Variants in MVD observed in about 807,000 individuals in gnomAD.
The protein encoded by MVD is diphosphomevalonate decarboxylase.
A neutral mutation model predicts 42.4 loss-of-function variants in MVD; 52 were observed. That is an observed-to-expected ratio of 1.23 (90% confidence interval 0.98 to 1.55). The LOEUF (loss-of-function observed/expected upper bound fraction) is 1.55. Ranked by LOEUF, MVD falls within the 40% of genes most tolerant of loss-of-function variation. The pLI, the probability that MVD is intolerant of heterozygous loss-of-function variation, is 0.00. For synonymous variants in MVD, 287 were observed against 243.2 expected, an observed-to-expected ratio of 1.18 and a Z score of -1.68; for missense variants, 663 against 572.1, an observed-to-expected ratio of 1.16 and a Z score of -1.62.
At chr16:88,661,297 C>G (rs1219229138) in intron 1 of MVD, among the ~76,000 whole-genome samples, 2 of 152,160 alleles carry the variant, frequency 1.3e-5, no homozygotes. Flanking sequence ...GAAAAACTGG[C>G]TCTTTGTTAA....
In MVD at chr16:88,654,769, G is replaced by A; in HGVS notation, c.936C>T (p.Ile312=). The part of the protein sequence containing the change: ...YTFDAGPNAV[I]FTLDDTVAEF... The stretch of plus-strand genomic sequence containing the variant: ...CAGCCACAGTGTCGTCCAGGGTGAA[G>A]ATCACGGCATTGGGGCCCGCGTCAA... The change falls in exon 8 of 10, where the codon ATC becomes ATT. Residue 312 remains isoleucine, a synonymous_variant. Coordinates refer to ENST00000301012, the MANE Select transcript of MVD (RefSeq NM_002461.3). 6.3e-7 allele frequency: 1 copy of A among 1,598,822 alleles called. No homozygotes were observed. Among genetic ancestry groups the A allele is most frequent in the Non-Finnish European group, 8.5e-7 (1 of 1,174,946 alleles).
Position 88,654,672 on chromosome 16 carries a change from G to A in MVD, c.1013+20C>T. 1.3e-6 allele frequency: 2 copies of A among 1,582,554 alleles called. No homozygotes were observed. Among genetic ancestry groups the A allele is most frequent in the Middle Eastern group, 3.4e-4 (2 of 5,950 alleles). ...TGGCACCATCTCCCAAAAAGGAGGAGGGGCGGGGTCCACACTCACGTGTCT... is the reference window on the plus strand; with the variant it reads ...TGGCACCATCTCCCAAAAAGGAGGAAGGGCGGGGTCCACACTCACGTGTCT... On this transcript the variant is annotated intron_variant, in intron 8 of 9. Transcript: ENST00000301012.
chr16:88,662,692 C>A, intron 1 of MVD: 2 of 1,361,224 alleles, frequency 1.5e-6, no homozygotes, highest in Non-Finnish European at 9.6e-7. Context: ...CAAACGCGCA[C>A]CACCACGGCG....
intron 7 of MVD, 31 bp downstream of exon 7, chr16:88,655,168 G>A: frequency 6.5e-7 from 1 of 1,548,768 alleles, no homozygotes; most frequent in Non-Finnish European, 8.7e-7. Context: ...TACAGCGCGA[G>A]CGCAGCCTCT....
intron 1 of MVD, among the ~76,000 whole-genome samples, chr16:88,659,889 C>T (rs1456220298): frequency 1.3e-5 from 2 of 151,714 alleles, no homozygotes; most frequent in African/African-American, 4.8e-5. Context: ...ATCGCTTGAA[C>T]CTGGGAGGCG....
At chr16:88,657,178 C>A in intron 4 of MVD, 1 of 665,214 alleles carries the variant, frequency 1.5e-6, no homozygotes. Context: ...AACTCCTGGC[C>A]TACAGTGCTT....
At chr16:88,660,046 G>A (rs1412292661) in intron 1 of MVD, among the ~76,000 whole-genome samples, 1 of 150,958 alleles carries the variant, frequency 6.6e-6, no homozygotes, top group Non-Finnish European at 1.5e-5. Context: ...ACAGTGCCCC[G>A]CCCCCTTTCC....
Position 88,654,564 on chromosome 16 carries a change from T to G in MVD, c.1013+128A>C, listed in dbSNP as rs1907783870. On this transcript the variant is annotated intron_variant, in intron 8 of 9. Coordinates refer to ENST00000301012, the MANE Select transcript of MVD (RefSeq NM_002461.3). ...GACACCCTGCCCGTGGCTCCCACAC[T>G]CGGGGGACTGCTGCCTGCCCTGGGA... 7 of 895,558 alleles carry G rather than the reference T, an allele frequency of 7.8e-6. No homozygotes were observed. The East Asian group carries it at 2.2e-4, about 28-fold the overall frequency. 55.5% of individuals were successfully genotyped at this position (895,558 alleles called of 1,614,324 possible). A position where few individuals can be genotyped will look rare whatever the true frequency, so the allele number is the denominator to read the frequency against.
Position 88,656,160 on chromosome 16 carries a change from G to T in MVD, c.548C>A (p.Ala183Asp). 3 of 1,602,162 alleles carry T rather than the reference G, an allele frequency of 1.9e-6. No individual in the cohort carries two copies. Among genetic ancestry groups the T allele is most frequent in the Non-Finnish European group, 2.5e-6 (3 of 1,179,912 alleles). ...GTGTGACTCGGGGGCCACTTGCCGA[G>T]CGATGCTGTCCTTCCCGTCGGCCTG... Reference protein sequence around the residue: ...GEQADGKDSIARQVAPESHWP... With the variant: ...GEQADGKDSIDRQVAPESHWP... Residue 183 changes from alanine to aspartate, a missense_variant, in exon 5 of 10, where the codon GCT becomes GAT. Transcript: ENST00000301012.
chr16:88,658,763 CACCCTCCCCCAGTGTTCCCCACAGGT>C, intron 1 of MVD, 43 bp from the exon 2 acceptor site: 1 of 1,488,894 alleles, frequency 6.7e-7, no homozygotes, highest in Non-Finnish European at 9.1e-7. Context: ...CTTCCCGGCC[CACCCTCCCCCAGTGTTCCCCACAGGT>C]GCCCCCACCC....
intron 4 of MVD, chr16:88,657,027 T>C (rs765915684): frequency 4.7e-5 from 17 of 360,686 alleles, no homozygotes; most frequent in Non-Finnish European, 8.7e-5. Flanking sequence ...CACAAAATCA[T>C]CGCTATTTTA....
In MVD at chr16:88,657,963, G is replaced by T; in HGVS notation, c.208C>A (p.Arg70=). ...FTEDRIWLNG[R]EEDVGQPRLQ... ...CGCGGCTGCCCCACATCCTCCTCCC[G>T]GCCATTCAGCCAAATCCGGTCCTCG... The change falls in exon 3 of 10, where the codon CGG becomes AGG. Residue 70 remains arginine (R), a synonymous_variant. Transcript: ENST00000301012. The T allele has an allele frequency of 3.7e-6, 6 of 1,613,912 alleles. No individual in the cohort carries two copies. Among genetic ancestry groups the T allele is most frequent in the South Asian group, 1.1e-5 (1 of 91,090 alleles).
chr16:88,659,026 G>T, intron 1 of MVD: 1 of 397,556 alleles, frequency 2.5e-6, no homozygotes, highest in Non-Finnish European at 4.8e-6. Flanking sequence ...ACCGCGGCCT[G>T]CCTCCCCTCC....
chr16:88,662,503 T>G (rs781774895), intron 1 of MVD, among the ~76,000 whole-genome samples: 4 of 152,134 alleles, frequency 2.6e-5, no homozygotes, highest in Non-Finnish European at 4.4e-5. Context: ...CCGGCACGGA[T>G]GTGGGCCTGC....
At chr16:88,659,916 G>A (rs1054666838) in intron 1 of MVD, among the ~76,000 whole-genome samples, 8 of 150,760 alleles carry the variant, frequency 5.3e-5, no homozygotes, top group South Asian at 4.2e-4. Context: ...GCACTGAGCC[G>A]AGATGGCACC....
At chr16:88,658,771 C>A in intron 1 of MVD, 51 bp from the exon 2 acceptor site, 1 of 1,461,932 alleles carries the variant, frequency 6.8e-7, no homozygotes, top group Non-Finnish European at 9.3e-7. Context: ...CCCACCCTCC[C>A]CCAGTGTTCC....
intron 1 of MVD, chr16:88,659,151 C>T (rs960360962): frequency 2.2e-5 from 4 of 185,916 alleles, no homozygotes. Flanking sequence ...TGGGACAGCA[C>T]GTGAAATCAA....
At chr16:88,661,789 C>T (rs1908307324) in intron 1 of MVD, among the ~76,000 whole-genome samples, 1 of 150,526 alleles carries the variant, frequency 6.6e-6, no homozygotes, top group Admixed American at 6.7e-5. Context: ...ATCTGCATCA[C>T]CGTAGGGATG....
intron 7 of MVD, 45 bp downstream of exon 7, chr16:88,655,154 G>C (rs939013831): frequency 6.5e-7 from 1 of 1,541,922 alleles, no homozygotes. Context: ...GCCTAGACAC[G>C]CGCTACAGCG....
Sources: allele counts gnomAD v4.1 joint callset (sites outside exome capture counted in the v4.1 genomes callset), GRCh38; gene constraint gnomAD v4.1.1; transcripts MANE v1.5; gene names NCBI Gene and HGNC (gene_info 2026-07-23, HGNC 2026-07-21).